Variants in POLD3 observed in about 807,000 individuals in gnomAD.
The protein encoded by POLD3 is DNA polymerase delta 3, accessory subunit.
A neutral mutation model predicts 58.2 loss-of-function variants in POLD3; 19 were observed. That is an observed-to-expected ratio of 0.33 (90% confidence interval 0.23 to 0.48). POLD3 has a LOEUF of 0.48. POLD3 is among the 20% of genes least tolerant of loss of function. The pLI is 0.99. For missense variants in POLD3, 504 were observed against 545.5 expected (o/e 0.92, Z 0.76); for synonymous variants, 172 against 193.5 (o/e 0.89, Z 0.92).
Position 74,592,944 on chromosome 11 carries a change from G to A in POLD3, c.60+226G>A, listed in dbSNP as rs572666207. On this transcript the variant is annotated intron_variant, in intron 1 of 11. Transcript: ENST00000263681. ...CCGCGTCCCTTGGGTGGGCGTGCTG[G>A]GAACAGAGCCTGGGGCTGGAGCCGC... 41 of 1,398,550 alleles carry A rather than the reference G, an allele frequency of 2.9e-5. No homozygotes were observed. In the African/African-American group the frequency reaches 5.2e-4, roughly 18 times the overall value. 86.6% of individuals were successfully genotyped at this position (1,398,550 alleles called of 1,614,324 possible). A position where few individuals can be genotyped will look rare whatever the true frequency, so the allele number is the denominator to read the frequency against.
intron 2 of POLD3, 82 bp downstream of exon 2, chr11:74,594,198 G>A (rs2031141420): frequency 1.2e-6 from 1 of 823,178 alleles, no homozygotes; most frequent in Non-Finnish European, 2.1e-6. Context: ...TCTACAGATA[G>A]CCTACATAGA....
chr11:74,657,604 T>C (rs1423873064), intron 4 of POLD3, among the ~76,000 whole-genome samples: 8 of 152,222 alleles, frequency 5.3e-5, no homozygotes, highest in African/African-American at 1.9e-4. Context: ...CTTATTGTAC[T>C]GTATGTCTTG....
intron 3 of POLD3, among the ~76,000 whole-genome samples, chr11:74,610,815 C>T (rs757811277): frequency 2.6e-5 from 4 of 151,222 alleles, no homozygotes; most frequent in Non-Finnish European, 5.9e-5. Context: ...CACTCTGTCA[C>T]CCAGGCTGGA....
chr11:74,610,590 G>A (rs1306610666), intron 3 of POLD3, among the ~76,000 whole-genome samples: 1 of 151,764 alleles, frequency 6.6e-6, no homozygotes, highest in African/African-American at 2.4e-5. Flanking sequence ...TGTGATGTAA[G>A]TTGCAGTTTT....
chr11:74,668,864 T>A (rs1293423289), exon 5 of POLD3: 2 of 1,090,900 alleles, frequency 1.8e-6, no homozygotes, highest in African/African-American at 3.2e-5. Flanking sequence ...TAGGGTAGGA[T>A]CTGAAGATCT....
chr11:74,642,249 T>C lies in POLD3; in HGVS notation c.*1483T>C. The C allele has an allele frequency of 2.0e-6, 2 of 984,890 alleles. No homozygotes were observed. Among genetic ancestry groups the C allele is most frequent in the African/African-American group, 1.7e-5 (1 of 57,346 alleles). The allele number at this position is 984,890 out of a possible 1,614,324, so 61.0% of individuals were successfully genotyped here. ...GTTTGGGAGATGAGTCCTGGCATTA[T>C]GTCTAGGACTAAAGCAGTGGCTTTG... On this transcript the variant is annotated 3_prime_UTR_variant, in exon 12 of 12. Transcript: ENST00000263681.
At chr11:74,640,490 G>A in intron 11 of POLD3, 74 bp from the exon 12 acceptor site, 1 of 1,450,356 alleles carries the variant, frequency 6.9e-7, no homozygotes, top group South Asian at 1.6e-5. Flanking sequence ...ATTGGGGTTA[G>A]CAAGACATCC....
chr11:74,661,451 C>T (rs994282669), intron 4 of POLD3, among the ~76,000 whole-genome samples: 7 of 152,204 alleles, frequency 4.6e-5, no homozygotes, highest in Admixed American at 2.0e-4. Flanking sequence ...GATTTAGACT[C>T]GTAGAGTCTT....
intron 4 of POLD3, among the ~76,000 whole-genome samples, chr11:74,667,809 A>G (rs2033290745): frequency 6.6e-6 from 1 of 152,228 alleles, no homozygotes; most frequent in Non-Finnish European, 1.5e-5. Flanking sequence ...AATATTTGCA[A>G]ATCATTTTTC....
chr11:74,622,768 T>C (rs1419234078), intron 7 of POLD3, among the ~76,000 whole-genome samples: 2 of 152,186 alleles, frequency 1.3e-5, no homozygotes, highest in African/African-American at 4.8e-5. Context: ...TGTACTCACT[T>C]TGGAAAATGA....
At chr11:74,612,594 T>C (rs1565116789) in intron 4 of POLD3, among the ~76,000 whole-genome samples, 1 of 152,234 alleles carries the variant, frequency 6.6e-6, no homozygotes, top group Non-Finnish European at 1.5e-5. Flanking sequence ...AAAAAGATCA[T>C]CGTAGTCATC....
rs1399760768 is a variant in POLD3 at position 74,642,459 on chromosome 11, A to G, written c.*1693A>G. On this transcript the variant is annotated 3_prime_UTR_variant, in exon 12 of 12. Coordinates refer to ENST00000263681, the MANE Select transcript of POLD3 (RefSeq NM_006591.3). ...TTGTCTAAATAGGAATGGAAAATTA[A>G]AAGAAAAGCAACAATCCAATCTTTT... is the stretch of plus-strand genomic sequence containing the variant. 1 of 985,162 alleles carries G rather than the reference A, an allele frequency of 1.0e-6. No individual in the cohort carries two copies. Among genetic ancestry groups the G allele is most frequent in the African/African-American group, 1.7e-5 (1 of 57,246 alleles). 61.0% of individuals were successfully genotyped at this position (985,162 alleles called of 1,614,324 possible). A position where few individuals can be genotyped will look rare whatever the true frequency, so the allele number is the denominator to read the frequency against.
chr11:74,662,143 T>C (rs2033213579), intron 4 of POLD3, among the ~76,000 whole-genome samples: 1 of 152,208 alleles, frequency 6.6e-6, no homozygotes, highest in Admixed American at 6.5e-5. Flanking sequence ...AGGCCTGGAA[T>C]TGTGGATCCC....
chr11:74,598,704 A>G (rs770841749), intron 2 of POLD3, among the ~76,000 whole-genome samples: 2 of 152,150 alleles, frequency 1.3e-5, no homozygotes, highest in African/African-American at 2.4e-5. Context: ...CATGTGGTCT[A>G]TCTGTATGGC....
intron 5 of POLD3, among the ~76,000 whole-genome samples, chr11:74,615,238 G>C (rs2032048566): frequency 6.6e-6 from 1 of 152,188 alleles, no homozygotes; most frequent in Non-Finnish European, 1.5e-5. Context: ...TATATGTTAA[G>C]CACTTAGAAT....
chr11:74,592,619 TGA>T lies in POLD3; in HGVS notation c.-34_-33del. 1.2e-6 allele frequency: 2 copies of T among 1,611,316 alleles called. No homozygotes were observed. The highest frequency in any genetic ancestry group is 1.7e-6 in the Non-Finnish European group (2 of 1,178,560). On this transcript the variant is annotated 5_prime_UTR_variant, in exon 1 of 12. Transcript: ENST00000263681. ...CGCCGGCGGGAGCTGTGGCTGTGATTGAGAGAGGGGTTAGAGGCGGGTCCCAG... is the reference window on the plus strand; with the variant it reads ...CGCCGGCGGGAGCTGTGGCTGTGATTGAGAGGGGTTAGAGGCGGGTCCCAG...
intron 2 of POLD3, 73 bp from the exon 3 acceptor site, chr11:74,604,619 G>T: frequency 1.2e-6 from 1 of 808,556 alleles, no homozygotes; most frequent in South Asian, 1.5e-5. Flanking sequence ...TATCTTTTAA[G>T]TCATTAATTA....
chr11:74,667,313 A>T (rs1373806075), intron 4 of POLD3, among the ~76,000 whole-genome samples: 1 of 152,212 alleles, frequency 6.6e-6, no homozygotes, highest in Non-Finnish European at 1.5e-5. Flanking sequence ...AGGCGGGCAG[A>T]TCACAAGGTC....
At chr11:74,668,739 TA>T in intron 4 of POLD3, 2 of 1,270,750 alleles carry the variant, frequency 1.6e-6, no homozygotes, top group Non-Finnish European at 2.1e-6. Flanking sequence ...AAAGGGAAGA[TA>T]TATAGAGTTT....
Sources: allele counts gnomAD v4.1 joint callset (sites outside exome capture counted in the v4.1 genomes callset), GRCh38; gene constraint gnomAD v4.1.1; transcripts MANE v1.5; gene names NCBI Gene and HGNC (gene_info 2026-07-23, HGNC 2026-07-21).